HBS1L: variants seen among roughly 807,000 people sequenced by gnomAD.
HBS1L encodes the protein HBS1 like translational GTPase.
HBS1L carries 55 observed loss-of-function variants against 88.9 expected under a neutral mutation model. That is an observed-to-expected ratio of 0.62 (90% confidence interval 0.50 to 0.77). The LOEUF (loss-of-function observed/expected upper bound fraction) is 0.77, where lower values mean the gene tolerates loss of function less well. HBS1L is among the 30% of genes least tolerant of loss of function. HBS1L has a pLI of 0.00. For synonymous variants in HBS1L, 267 were observed against 288.5 expected (o/e 0.93, Z 0.76); for missense variants, 741 against 829.3 (o/e 0.89, Z 1.31).
chr6:135,002,710 T>C, intron 5 of HBS1L, 24 bp downstream of exon 5: 1 of 1,288,514 alleles, frequency 7.8e-7, no homozygotes. Context: ...GGGGTGGGGA[T>C]GAGGGAGGTA....
intron 4 of HBS1L, among the ~76,000 whole-genome samples, chr6:135,035,067 C>T (rs767612115): frequency 1.4e-4 from 22 of 152,170 alleles, no homozygotes; most frequent in Non-Finnish European, 2.9e-4. Flanking sequence ...AGAAAAGCTT[C>T]TATTGATCCT....
chr6:134,971,124 A>T lies in HBS1L; in HGVS notation c.1798-1786T>A, dbSNP rs1239888398. The stretch of plus-strand genomic sequence containing the variant: ...TCAATTAAAAAAAAAAAAAGGGCAC[A>T]GCTGGGCCTGCATTACTCCAAAAAG... On this transcript the variant is annotated intron_variant, in intron 15 of 17. Transcript: ENST00000367837. 3.3e-5 allele frequency among the ~76,000 whole-genome samples: 5 copies of T among 151,034 alleles called. No homozygotes were observed. The East Asian group carries it at 5.8e-4, about 18-fold the overall frequency.
chr6:135,041,912 A>G, intron 3 of HBS1L, 89 bp downstream of exon 3: 1 of 1,090,376 alleles, frequency 9.2e-7, no homozygotes, highest in Non-Finnish European at 1.3e-6. Flanking sequence ...GTTCATAGTC[A>G]CTGTTATAAA....
chr6:135,045,447 CAT>C (rs1383376640), intron 2 of HBS1L, among the ~76,000 whole-genome samples: 2 of 152,190 alleles, frequency 1.3e-5, no homozygotes, highest in Non-Finnish European at 2.9e-5. Context: ...ATAAAAATCA[CAT>C]GAGGCATTCA....
intron 5 of HBS1L, 66 bp downstream of exon 5, chr6:135,002,668 G>A (rs930667185): frequency 1.6e-5 from 12 of 766,886 alleles, no homozygotes; most frequent in African/African-American, 1.2e-4. Flanking sequence ...CTTTCTTACA[G>A]AAGCAACAGT....
intron 5 of HBS1L, among the ~76,000 whole-genome samples, chr6:135,001,750 C>T (rs1775464877): frequency 6.6e-6 from 1 of 151,934 alleles, no homozygotes; most frequent in Non-Finnish European, 1.5e-5. Flanking sequence ...GAGTCCTTTC[C>T]TTCACTGACT....
At chr6:135,027,031 A>C (rs1263674328) in intron 4 of HBS1L, 1 of 151,694 alleles carries the variant, frequency 6.6e-6, no homozygotes, top group Non-Finnish European at 1.5e-5. Context: ...ATCTCTACTA[A>C]AAATAAAAAA....
rs1358450192 is a variant in HBS1L at position 134,996,809 on chromosome 6, C to T, written c.933G>A (p.Trp311Ter). 2 of 1,609,266 alleles carry T rather than the reference C, an allele frequency of 1.2e-6. No individual in the cohort carries two copies. Among genetic ancestry groups the T allele is most frequent in the African/African-American group, 2.7e-5 (2 of 74,654 alleles). ...TTTCTTCGCCAGTTTCATCCAAGAC[C>T]CATGCATATGCAAACGAAGCTTTGC... ...KAGKASFAYA[W>*]VLDETGEERE... The change falls in exon 7 of 18, where the codon TGG (tryptophan) becomes TGA (stop). Residue 311 changes from tryptophan to a stop codon, truncating the protein, a stop_gained. Coordinates refer to ENST00000367837, the MANE Select transcript of HBS1L (RefSeq NM_006620.4). LOFTEE classifies it high-confidence loss of function.
In HBS1L at chr6:135,039,691, T is replaced by G. The variant is rs747961383; in HGVS notation, c.312A>C (p.Ala104=). 13 of 1,613,960 alleles carry G rather than the reference T, an allele frequency of 8.1e-6. No homozygotes were observed. Among genetic ancestry groups the G allele is most frequent in the Admixed American group, 3.3e-5 (2 of 60,008 alleles). ...GCACATCAAACTTGTTCTTCAGAAC[T>G]GCTTCAATTAATATTTCATCTGGCA... The part of the protein sequence containing the change: ...DAVPDEILIE[A]VLKNKFDVQK... The change falls in exon 4 of 18, where the codon GCA becomes GCC. Residue 104 remains alanine (A), a synonymous_variant. Transcript: ENST00000367837.
At chr6:135,003,614 TC>T (rs1487219901) in intron 4 of HBS1L, among the ~76,000 whole-genome samples, 2 of 146,902 alleles carry the variant, frequency 1.4e-5, no homozygotes, top group Non-Finnish European at 3.0e-5. Flanking sequence ...ATGCCTGTAA[TC>T]CCAGCACTTT....
intron 8 of HBS1L, among the ~76,000 whole-genome samples, chr6:134,988,220 C>T (rs1262634478): frequency 2.0e-5 from 3 of 151,774 alleles, no homozygotes; most frequent in African/African-American, 4.8e-5. Flanking sequence ...AAAAATTAGC[C>T]GGGTGTGGTG....
In HBS1L at chr6:134,964,831, A is replaced by G. The variant is rs1291738233; in HGVS notation, c.*448T>C. 6.5e-6 allele frequency: 1 copy of G among 154,592 alleles called. No individual in the cohort carries two copies. The highest frequency in any genetic ancestry group is 1.4e-5 in the Non-Finnish European group (1 of 70,042). 9.6% of individuals were successfully genotyped at this position (154,592 alleles called of 1,614,324 possible). ...TTCTTAGCATTAACTGGAAAAAAAA[A>G]AAAAAAAAAAGCTTAGGTCAAATAT... is the stretch of plus-strand genomic sequence containing the variant. On this transcript the variant is annotated 3_prime_UTR_variant, in exon 18 of 18. Transcript: ENST00000367837.
At chr6:134,976,233 C>T (rs1774638664) in intron 15 of HBS1L, among the ~76,000 whole-genome samples, 1 of 151,984 alleles carries the variant, frequency 6.6e-6, no homozygotes, top group African/African-American at 2.4e-5. Flanking sequence ...CCAGAATGGC[C>T]ATTATTAAAA....
intron 9 of HBS1L, among the ~76,000 whole-genome samples, chr6:134,987,301 G>A (rs1403924791): frequency 6.6e-6 from 1 of 151,976 alleles, no homozygotes; most frequent in East Asian, 1.9e-4. Flanking sequence ...TAAATTGGAT[G>A]AATATACAAA....
At chr6:134,974,082 C>T (rs570355156) in intron 15 of HBS1L, among the ~76,000 whole-genome samples, 10 of 152,038 alleles carry the variant, frequency 6.6e-5, no homozygotes, top group Admixed American at 4.6e-4. Flanking sequence ...ACATTATAAA[C>T]GACACCACAG....
At chr6:135,050,124 A>T (rs899366965) in intron 2 of HBS1L, among the ~76,000 whole-genome samples, 2 of 152,258 alleles carry the variant, frequency 1.3e-5, no homozygotes, top group African/African-American at 4.8e-5. Context: ...CTGTGGCTCC[A>T]AAAGAAGTCT....
intron 4 of HBS1L, among the ~76,000 whole-genome samples, chr6:135,003,141 T>A (rs1318693998): frequency 6.6e-6 from 1 of 152,200 alleles, no homozygotes; most frequent in Non-Finnish European, 1.5e-5. Context: ...GTTTCTGCAC[T>A]GAGCCTTGTT....
At chr6:134,982,700 A>C (rs951951090) in intron 12 of HBS1L, 138 bp from the exon 13 acceptor site, 62 of 479,788 alleles carry the variant, frequency 1.3e-4, no homozygotes, top group Non-Finnish European at 1.1e-5. Flanking sequence ...TTTCAGAATT[A>C]ACATCTCTAC....
intron 8 of HBS1L, among the ~76,000 whole-genome samples, 159 bp from the exon 9 acceptor site, chr6:134,987,950 A>C (rs913663793): frequency 6.6e-6 from 1 of 152,254 alleles, no homozygotes. Flanking sequence ...ATGGATTAAA[A>C]TTTTAAAATA....
Sources: allele counts gnomAD v4.1 joint callset (sites outside exome capture counted in the v4.1 genomes callset), GRCh38; gene constraint gnomAD v4.1.1; transcripts MANE v1.5; gene names NCBI Gene and HGNC (gene_info 2026-07-23, HGNC 2026-07-21).